Variants in LONRF3 observed in about 807,000 individuals in gnomAD.
LONRF3 encodes the protein LON peptidase N-terminal domain and ring finger 3.
LONRF3 carries 19 observed loss-of-function variants against 51.7 expected under a neutral mutation model. The ratio of observed to expected loss-of-function variants is 0.37; its 90% confidence interval spans 0.26 to 0.54. The LOEUF (loss-of-function observed/expected upper bound fraction) is 0.54. Ranked by LOEUF, LONRF3 falls within the 20% of genes least tolerant of loss-of-function variation. The pLI is 0.86. For synonymous variants in LONRF3, 265 were observed against 257.8 expected (o/e 1.03, Z -0.27); for missense variants, 521 against 623.9 (o/e 0.84, Z 1.76).
chrX:118,978,945 C>CCCTTCCTT lies in LONRF3; in HGVS notation c.936+499_936+506dup, dbSNP rs541693076. ...GCACTATATAAACGTTCTCTTTCTTCCCTTCCTTCCTTCCTTCCTTCCTTT... is the reference window on the plus strand; with the variant it reads ...GCACTATATAAACGTTCTCTTTCTTCCCTTCCTTCCTTCCTTCCTTCCTTCCTTCCTTT... On this transcript the variant is annotated intron_variant, in intron 2 of 10. Transcript: ENST00000371628. 2.3e-3 allele frequency among the ~76,000 whole-genome samples: 248 copies of CCCTTCCTT among 108,012 alleles called. 2 individuals are homozygous for CCCTTCCTT. Among genetic ancestry groups the CCCTTCCTT allele is most frequent in the African/African-American group, 5.0e-3 (147 of 29,413 alleles). 93.8% of individuals were successfully genotyped at this position (108,012 alleles called of 115,157 possible).
Position 118,974,841 on chromosome X carries a change from T to C in LONRF3, c.61T>C (p.Leu21=), listed in dbSNP as rs766485761. ...SLPAEVSSDN[L]ESAERGASAA... is the part of the protein sequence containing the mutation. ...GCCCGCTGAGGTCAGCAGCGACAACTTGGAGTCGGCGGAGCGAGGGGCATC... is the reference window on the plus strand; with the variant it reads ...GCCCGCTGAGGTCAGCAGCGACAACCTGGAGTCGGCGGAGCGAGGGGCATC... The change falls in exon 1 of 11, where the codon TTG becomes CTG. Residue 21 remains leucine (L), a synonymous_variant. Transcript: ENST00000371628. The C allele has an allele frequency of 8.3e-7, 1 of 1,208,398 alleles. No individual in the cohort carries two copies. The highest frequency in any genetic ancestry group is 1.8e-5 in the South Asian group (1 of 56,303).
At chrX:119,013,333 T>C (rs1466910180) in intron 9 of LONRF3, 132 bp downstream of exon 9, 3 of 657,135 alleles carry the variant, frequency 4.6e-6, no homozygotes, top group African/African-American at 2.2e-5. Context: ...TGCAGCAACA[T>C]TGAATGCTGC....
At chrX:119,006,357 A>T in intron 6 of LONRF3, 122 bp downstream of exon 6, 4 of 340,662 alleles carry the variant, frequency 1.2e-5, no homozygotes, top group Non-Finnish European at 2.2e-5. Context: ...GCACTGTGGT[A>T]GGGCACATTA....
At chrX:118,997,648 G>A (rs898707547) in intron 5 of LONRF3, among the ~76,000 whole-genome samples, 2 of 112,235 alleles carry the variant, frequency 1.8e-5, no homozygotes, top group Non-Finnish European at 3.8e-5. Context: ...AAACTAAAGG[G>A]CTTTTGCATG....
rs1925291685 is a variant in LONRF3, at chrX:119,014,223, G to T, written c.1991G>T (p.Cys664Phe). 5 of 1,208,973 alleles carry T rather than the reference G, an allele frequency of 4.1e-6. No homozygotes were observed. The highest frequency in any genetic ancestry group is 5.6e-6 in the Non-Finnish European group (5 of 894,039). ...TACTTTCAGGTTCAGGGAGAGGATTGTGCTGAGCTCATGGGATTACATAAC... is the reference window on the plus strand; with the variant it reads ...TACTTTCAGGTTCAGGGAGAGGATTTTGCTGAGCTCATGGGATTACATAAC... The part of the protein sequence containing the change: ...IEDQKVQGED[C>F]AELMGLHNCV... Residue 664 changes from cysteine (C) to phenylalanine (F), a missense_variant, in exon 10 of 11, where the codon TGT becomes TTT. Physicochemically the swap from Cys to Phe is radical, Grantham distance 205 (BLOSUM62 -2). Coordinates refer to ENST00000371628, the MANE Select transcript of LONRF3 (RefSeq NM_001031855.3).
In LONRF3 at chrX:118,975,208, CCGCCGCGGCTGCGGCGG is replaced by C. The variant is rs1569474105; in HGVS notation, c.430_446del (p.Ala144HisfsTer8). ...ACCGTGGCGGCGGAAGAGACGGGGG[CCGCCGCGGCTGCGGCGG>C]CCACCGAGGTGTGGGACGGCTTTAA... is the stretch of plus-strand genomic sequence containing the variant. On this transcript the variant is annotated frameshift_variant, in exon 1 of 11. Transcript: ENST00000371628. LOFTEE classifies it high-confidence loss of function. 1 of 1,168,497 alleles carries C rather than the reference CCGCCGCGGCTGCGGCGG, an allele frequency of 8.6e-7. No homozygotes were observed. Among genetic ancestry groups the C allele is most frequent in the Admixed American group, 2.7e-5 (1 of 37,527 alleles).
rs767799135 is a variant in LONRF3 at position 119,009,261 on chromosome X, T to C, written c.1652+14T>C. 2 of 1,194,543 alleles carry C rather than the reference T, an allele frequency of 1.7e-6. No individual in the cohort carries two copies. The highest frequency in any genetic ancestry group is 6.0e-5 in the East Asian group (2 of 33,347). ...AGAACTTTCTAAGTATGTATATGCATATTTCTGTTTTGTTTCACTCATACC... is the reference window on the plus strand; with the variant it reads ...AGAACTTTCTAAGTATGTATATGCACATTTCTGTTTTGTTTCACTCATACC... On this transcript the variant is annotated intron_variant, in intron 7 of 10. Coordinates refer to ENST00000371628, the MANE Select transcript of LONRF3 (RefSeq NM_001031855.3).
chrX:118,974,732 C>T lies in LONRF3; in HGVS notation c.-49C>T. 9.5e-7 allele frequency: 1 copy of T among 1,052,182 alleles called. No individual in the cohort carries two copies. The allele number at this position is 1,052,182 out of a possible 1,213,427, so 86.7% of individuals were successfully genotyped here. On this transcript the variant is annotated 5_prime_UTR_variant, in exon 1 of 11. Transcript: ENST00000371628. The stretch of plus-strand genomic sequence containing the variant: ...TTCCTCCAGCTGCCACTCCTTGCTT[C>T]GTGTCCCCGGTCCCTAGACGCCTCG...
rs1921896533 is a variant in LONRF3, at chrX:118,975,179, C to T, written c.399C>T (p.Ser133=). The T allele has an allele frequency of 3.4e-6, 4 of 1,178,324 alleles. No individual in the cohort carries two copies. The highest frequency in any genetic ancestry group is 1.8e-5 in the African/African-American group (1 of 57,062). ...PAPPDEGSTA[S]GTVAAEETGA... Reference sequence around the variant, plus strand: ...CCCCGGACGAGGGTAGCACTGCAAGCGGCACCGTGGCGGCGGAAGAGACGG... The same window carrying T: ...CCCCGGACGAGGGTAGCACTGCAAGTGGCACCGTGGCGGCGGAAGAGACGG... Residue 133 remains serine, a synonymous_variant, in exon 1 of 11, where the codon AGC becomes AGT. Coordinates refer to ENST00000371628, the MANE Select transcript of LONRF3 (RefSeq NM_001031855.3).
intron 2 of LONRF3, among the ~76,000 whole-genome samples, chrX:118,980,142 G>T (rs1922446661): frequency 8.9e-6 from 1 of 112,362 alleles, no homozygotes; most frequent in Non-Finnish European, 1.9e-5. Flanking sequence ...GTAGTGCTCT[G>T]TCTCTACACA....
chrX:118,994,249 A>G (rs1424743623), intron 5 of LONRF3, among the ~76,000 whole-genome samples: 1 of 111,907 alleles, frequency 8.9e-6, no homozygotes, highest in Admixed American at 9.5e-5. Context: ...AGAACCGCAG[A>G]ATGGATAAGA....
intron 4 of LONRF3, 116 bp from the exon 5 acceptor site, chrX:118,990,354 G>A (rs1487600866): frequency 1.8e-6 from 1 of 545,336 alleles, no homozygotes; most frequent in Non-Finnish European, 3.2e-6. Context: ...TCAACTCTCT[G>A]GGAGGTGGTG....
chrX:118,990,434 G>A (rs1923341489), intron 4 of LONRF3, 36 bp from the exon 5 acceptor site: 2 of 1,076,902 alleles, frequency 1.9e-6, no homozygotes, highest in African/African-American at 3.7e-5. Context: ...AAACCGGGGT[G>A]GCTCCAGCGC....
intron 5 of LONRF3, among the ~76,000 whole-genome samples, chrX:118,995,425 C>T (rs59344711): frequency 5.6e-4 from 63 of 111,831 alleles, no homozygotes; most frequent in African/African-American, 1.9e-3. Flanking sequence ...GGTCACACCT[C>T]AAGGAACTAG....
At chrX:118,982,770 A>G (rs1156674480) in intron 2 of LONRF3, 51 bp from the exon 3 acceptor site, 6 of 1,197,117 alleles carry the variant, frequency 5.0e-6, no homozygotes, top group African/African-American at 1.8e-5. Context: ...TTAGAGCAGT[A>G]GTGTTAATAG....
chrX:118,980,477 A>T (rs1922470761), intron 2 of LONRF3, among the ~76,000 whole-genome samples: 1 of 112,462 alleles, frequency 8.9e-6, no homozygotes, highest in African/African-American at 3.2e-5. Flanking sequence ...TGGAAACCAG[A>T]TAAAGCATGT....
intron 1 of LONRF3, 108 bp downstream of exon 1, chrX:118,975,705 G>A: frequency 1.6e-6 from 1 of 644,624 alleles, no homozygotes; most frequent in Non-Finnish European, 2.2e-6. Flanking sequence ...CAGAAGAGGG[G>A]GCGGGGGACC....
At chrX:119,016,112 T>C (rs1313465240) in intron 10 of LONRF3, among the ~76,000 whole-genome samples, 1 of 111,583 alleles carries the variant, frequency 9.0e-6, no homozygotes, top group Non-Finnish European at 1.9e-5. Context: ...AGGAACCAAT[T>C]TGGAGCCAAA....
chrX:118,991,864 AT>A lies in LONRF3; in HGVS notation c.1415+1313del, dbSNP rs58137872. Among the ~76,000 whole-genome samples, 359 of 108,255 alleles carry A rather than the reference AT, an allele frequency of 3.3e-3. 1 individual carries two copies. The highest frequency in any genetic ancestry group is 0.011 in the African/African-American group (333 of 29,532). The allele number at this position is 108,255 out of a possible 115,157, so 94.0% of individuals were successfully genotyped here. On this transcript the variant is annotated intron_variant, in intron 5 of 10. Transcript: ENST00000371628. The stretch of plus-strand genomic sequence containing the variant: ...AATAGATACTCAGTAAATGTTAACT[AT>A]TTTTTTTTCCTTGTAGACCAGAGGT...
Sources: allele counts gnomAD v4.1 joint callset (sites outside exome capture counted in the v4.1 genomes callset), GRCh38; gene constraint gnomAD v4.1.1; transcripts MANE v1.5; gene names NCBI Gene and HGNC (gene_info 2026-07-23, HGNC 2026-07-21).